CLEC16A: variants seen among roughly 807,000 people sequenced by gnomAD.
The protein encoded by CLEC16A is protein CLEC16A.
A neutral mutation model predicts 109.5 loss-of-function variants in CLEC16A; 51 were observed. That is an observed-to-expected ratio of 0.47 (90% CI 0.37 to 0.59). The LOEUF (loss-of-function observed/expected upper bound fraction) is 0.59. CLEC16A is among the 20% of genes least tolerant of loss of function. CLEC16A has a pLI of 0.00. For synonymous variants in CLEC16A, 673 were observed against 564.2 expected (o/e 1.19, Z -2.73); for missense variants, 1,339 against 1,394.0 (o/e 0.96, Z 0.63).
rs141592610 is a variant in CLEC16A, at chr16:11,104,010, C to G, written c.2117-16605C>G. 8.7e-4 allele frequency among the ~76,000 whole-genome samples: 132 copies of G among 152,310 alleles called. 1 individual carries two copies. In the East Asian group the frequency reaches 0.021, roughly 25 times the overall value. ...ACCAGAAGAGCTCCTTGAGGTCTGG[C>G]CAGCATCTGTGGGTACCAGGATCCC... On this transcript the variant is annotated intron_variant, in intron 19 of 23. Transcript: ENST00000409790.
At chr16:11,062,256 A>G (rs1346231182) in intron 19 of CLEC16A, among the ~76,000 whole-genome samples, 1 of 152,172 alleles carries the variant, frequency 6.6e-6, no homozygotes, top group Non-Finnish European at 1.5e-5. Flanking sequence ...GAAACAGCAC[A>G]GGGCCACTCT....
At chr16:11,096,754 C>T (rs1277325409) in intron 19 of CLEC16A, among the ~76,000 whole-genome samples, 1 of 152,156 alleles carries the variant, frequency 6.6e-6, no homozygotes, top group African/African-American at 2.4e-5. Context: ...GTGCCTGAGG[C>T]AATTCTTGGT....
intron 1 of CLEC16A, among the ~76,000 whole-genome samples, chr16:10,949,866 G>A (rs1276434029): frequency 6.6e-6 from 1 of 152,152 alleles, no homozygotes; most frequent in Non-Finnish European, 1.5e-5. Flanking sequence ...TCTCCTGTTG[G>A]TGGTCCACTC....
At chr16:10,971,741 C>G (rs1448295168) in intron 5 of CLEC16A, among the ~76,000 whole-genome samples, 1 of 152,196 alleles carries the variant, frequency 6.6e-6, no homozygotes, top group East Asian at 1.9e-4. Flanking sequence ...AAAACATTGC[C>G]CCAGGGAAAA....
At chr16:11,079,071 C>G (rs927561814) in intron 19 of CLEC16A, among the ~76,000 whole-genome samples, 33 of 152,306 alleles carry the variant, frequency 2.2e-4, no homozygotes, top group African/African-American at 7.7e-4. Context: ...TGCAGCCCTG[C>G]AGCCCCACAC....
At chr16:11,113,876 C>T (rs545757198) in intron 19 of CLEC16A, among the ~76,000 whole-genome samples, 1 of 152,212 alleles carries the variant, frequency 6.6e-6, no homozygotes, top group East Asian at 1.9e-4. Context: ...TTAGCCCACG[C>T]GTGTGAGTGT....
chr16:11,031,064 C>T (rs1301000386), intron 13 of CLEC16A, among the ~76,000 whole-genome samples: 1 of 152,158 alleles, frequency 6.6e-6, no homozygotes, highest in Non-Finnish European at 1.5e-5. Flanking sequence ...TTTAATACCG[C>T]CTTTTCTCTG....
At chr16:11,052,810 C>A (rs1404712744) in intron 18 of CLEC16A, among the ~76,000 whole-genome samples, 1 of 152,166 alleles carries the variant, frequency 6.6e-6, no homozygotes, top group Admixed American at 6.5e-5. Context: ...CTGGGAGATC[C>A]CCCCGCACCC....
intron 22 of CLEC16A, among the ~76,000 whole-genome samples, chr16:11,144,141 A>C (rs988740437): frequency 2.0e-5 from 3 of 152,172 alleles, no homozygotes; most frequent in African/African-American, 7.2e-5. Flanking sequence ...GTCATCTCCC[A>C]AGCTACCTTA....
intron 10 of CLEC16A, among the ~76,000 whole-genome samples, chr16:10,990,469 G>A (rs945389828): frequency 6.6e-6 from 1 of 152,256 alleles, no homozygotes; most frequent in Admixed American, 6.5e-5. Context: ...TGAGAAGGGA[G>A]CAGGCTTTAG....
intron 19 of CLEC16A, among the ~76,000 whole-genome samples, chr16:11,062,920 G>C (rs1481068115): frequency 6.6e-6 from 1 of 151,852 alleles, no homozygotes; most frequent in Non-Finnish European, 1.5e-5. Flanking sequence ...GTGGGGAGGG[G>C]GCACTTCATC....
intron 19 of CLEC16A, among the ~76,000 whole-genome samples, chr16:11,117,047 G>C (rs2052046380): frequency 6.6e-6 from 1 of 152,212 alleles, no homozygotes; most frequent in Admixed American, 6.5e-5. Context: ...CATGGATGCA[G>C]CTGGCAGCCT....
chr16:11,086,450 C>T (rs558464022), intron 19 of CLEC16A, among the ~76,000 whole-genome samples: 4 of 152,318 alleles, frequency 2.6e-5, no homozygotes, highest in East Asian at 1.9e-4. Flanking sequence ...GGTAAGGCTT[C>T]GGATAGTACC....
chr16:11,003,002 T>G, intron 10 of CLEC16A, 72 bp from the exon 11 acceptor site: 1 of 1,265,014 alleles, frequency 7.9e-7, no homozygotes, highest in Middle Eastern at 2.0e-4. Context: ...CAGAAACTTT[T>G]GGGCAACTTG....
chr16:11,138,982 A>T (rs1455499279), intron 22 of CLEC16A, among the ~76,000 whole-genome samples: 2 of 147,132 alleles, frequency 1.4e-5, no homozygotes, highest in African/African-American at 4.9e-5. Flanking sequence ...TTTGGTGACC[A>T]ATTTGACTGA....
In CLEC16A at chr16:11,089,034, C is replaced by CCT. The variant is rs1349122110; in HGVS notation, c.2116+28014_2116+28015dup. On this transcript the variant is annotated intron_variant, in intron 19 of 23. Coordinates refer to ENST00000409790, the MANE Select transcript of CLEC16A (RefSeq NM_015226.3). ...CTGCTTCTCCAGCAGGAACTCCCAGCCTCCGTTCAGGGGAGGGGGAGGGTG... is the reference window on the plus strand; with the variant it reads ...CTGCTTCTCCAGCAGGAACTCCCAGCCTCTCCGTTCAGGGGAGGGGGAGGGTG... Among the ~76,000 whole-genome samples, 4 of 152,312 alleles carry CCT rather than the reference C, an allele frequency of 2.6e-5. No individual in the cohort carries two copies. The East Asian group carries it at 7.7e-4, about 29-fold the overall frequency.
chr16:11,088,277 C>G (rs7203793), intron 19 of CLEC16A, among the ~76,000 whole-genome samples: 62,478 of 152,102 alleles, frequency 0.41, 13,604 homozygotes, highest in African/African-American at 0.56. Context: ...TCTGAGAGGT[C>G]ACATGACCAG....
chr16:11,055,583 T>TG, intron 18 of CLEC16A, among the ~76,000 whole-genome samples: 1 of 107,392 alleles, frequency 9.3e-6, no homozygotes, highest in Non-Finnish European at 1.9e-5. Flanking sequence ...TGCTTTTTTT[T>TG]TTTTTTTTTT....
chr16:10,988,862 A>G (rs2043826858), intron 10 of CLEC16A, among the ~76,000 whole-genome samples: 1 of 152,222 alleles, frequency 6.6e-6, no homozygotes, highest in Non-Finnish European at 1.5e-5. Flanking sequence ...TTATGTACAC[A>G]GCAAGTGCAT....
Sources: allele counts gnomAD v4.1 joint callset (sites outside exome capture counted in the v4.1 genomes callset), GRCh38; gene constraint gnomAD v4.1.1; transcripts MANE v1.5; gene names NCBI Gene and HGNC (gene_info 2026-07-23, HGNC 2026-07-21).